Variants in NOM1 observed in about 807,000 individuals in gnomAD.
NOM1 encodes the protein nucleolar MIF4G domain-containing protein 1.
A neutral mutation model predicts 73.3 loss-of-function variants in NOM1; 58 were observed. The observed-to-expected ratio is 0.79, with a 90% confidence interval of 0.64 to 0.99. The LOEUF is 0.99. NOM1 is among the 50% of genes least tolerant of loss of function. NOM1 has a pLI of 0.00. For synonymous variants in NOM1, 487 were observed against 446.8 expected (o/e 1.09, Z -1.14); for missense variants, 1,226 against 1,131.9 (o/e 1.08, Z -1.19).
chr7:156,962,699 T>G (rs150784259), intron 5 of NOM1, among the ~76,000 whole-genome samples: 11 of 152,272 alleles, frequency 7.2e-5, no homozygotes, highest in African/African-American at 2.2e-4. Flanking sequence ...TCCAAATCAT[T>G]GCTGACCCAG....
chr7:156,965,787 C>T (rs2134795599), intron 7 of NOM1, among the ~76,000 whole-genome samples: 1 of 73,102 alleles, frequency 1.4e-5, no homozygotes, highest in South Asian at 4.0e-4. Flanking sequence ...GTGGTGGTGG[C>T]ACCTGTAATC....
rs746838716 is a variant in NOM1, at chr7:156,950,590, G to A, written c.853G>A (p.Glu285Lys). ...AGAAGCGCAGAGCGAGGACGACGAC[G>A]AGGATACAGAAGAGGAACAGGGGGA... Reference protein sequence around the residue: ...EAEAQSEDDDEDTEEEQGEEK... With the variant: ...EAEAQSEDDDKDTEEEQGEEK... Residue 285 changes from glutamate (E) to lysine (K), a missense_variant, in exon 1 of 11, where the codon GAG becomes AAG. Coordinates refer to ENST00000275820, the MANE Select transcript of NOM1 (RefSeq NM_138400.2). The A allele has an allele frequency of 3.3e-5, 53 of 1,589,760 alleles. 1 individual carries two copies. The Admixed American group carries it at 9.3e-4, about 28-fold the overall frequency.
chr7:156,961,562 T>A (rs2134787683), intron 4 of NOM1, among the ~76,000 whole-genome samples: 1 of 152,166 alleles, frequency 6.6e-6, no homozygotes, highest in East Asian at 1.9e-4. Context: ...TGAAATTGAT[T>A]GTGGTGATAG....
chr7:156,962,262 G>T lies in NOM1; in HGVS notation c.1743+1G>T. ...GCTGAGGAAACTGCAGAGAGCTTTG[G>T]TGAGTCAAGGAACTTTCAATTCTGT... On this transcript the variant is annotated splice_donor_variant, in intron 5 of 10. Coordinates refer to ENST00000275820, the MANE Select transcript of NOM1 (RefSeq NM_138400.2). LOFTEE classifies it high-confidence loss of function. 1 of 1,610,752 alleles carries T rather than the reference G, an allele frequency of 6.2e-7. No individual in the cohort carries two copies.
intron 5 of NOM1, among the ~76,000 whole-genome samples, chr7:156,962,488 C>T (rs563231635): frequency 6.6e-5 from 10 of 152,296 alleles, no homozygotes; most frequent in African/African-American, 1.9e-4. Flanking sequence ...GTTGGGCGAG[C>T]GTCCTCTTTG....
At chr7:156,969,462 T>A (rs954084156) in intron 10 of NOM1, 67 bp from the exon 11 acceptor site, 1 of 1,353,734 alleles carries the variant, frequency 7.4e-7, no homozygotes, top group Non-Finnish European at 1.0e-6. Flanking sequence ...CTATGCGAGA[T>A]ACCCAGGATT....
At position 156,959,973 on chromosome 7, in the gene NOM1, G is replaced by C; in HGVS notation, c.1431G>C (p.Val477=). The change falls in exon 4 of 11, where the codon GTG becomes GTC. Residue 477 remains valine, a synonymous_variant. Transcript: ENST00000275820. Reference sequence around the variant, plus strand: ...TTGCCCATTTATACAACTTCCACGTGGTACAGTCTCTCCTCATCTTCGACA... The same window carrying C: ...TTGCCCATTTATACAACTTCCACGTCGTACAGTCTCTCCTCATCTTCGACA... ...TVIAHLYNFH[V]VQSLLIFDIL... 6.2e-7 allele frequency: 1 copy of C among 1,614,080 alleles called. No homozygotes were observed. The highest frequency in any genetic ancestry group is 8.5e-7 in the Non-Finnish European group (1 of 1,179,992).
In NOM1 at chr7:156,970,262, A is replaced by G. The variant is rs1805109532; in HGVS notation, c.*559A>G. On this transcript the variant is annotated 3_prime_UTR_variant, in exon 11 of 11. Coordinates refer to ENST00000275820, the MANE Select transcript of NOM1 (RefSeq NM_138400.2). ...ACCACTGTACTCCAGCCTGGGCTGG[A>G]CAGTGAGACTTTTGACAGTGAGACT... 1 of 101,046 alleles carries G rather than the reference A, an allele frequency of 9.9e-6. No homozygotes were observed. The highest frequency in any genetic ancestry group is 1.1e-4 in the Admixed American group (1 of 9,302). The allele number at this position is 101,046 out of a possible 1,614,324, so 6.3% of individuals were successfully genotyped here.
intron 7 of NOM1, among the ~76,000 whole-genome samples, chr7:156,965,319 A>T (rs369954026): frequency 3.9e-5 from 6 of 152,202 alleles, no homozygotes; most frequent in Non-Finnish European, 7.3e-5. Flanking sequence ...GATACTTACT[A>T]CTTGGCATCA....
At chr7:156,956,552 T>A (rs565026523) in intron 3 of NOM1, among the ~76,000 whole-genome samples, 1 of 152,386 alleles carries the variant, frequency 6.6e-6, no homozygotes, top group South Asian at 2.1e-4. Context: ...GATAATGTTC[T>A]GATCCACATT....
Position 156,950,144 on chromosome 7 carries a change from G to T in NOM1, c.407G>T (p.Arg136Leu), listed in dbSNP as rs371047425. The T allele has an allele frequency of 1.9e-6, 3 of 1,579,108 alleles. No homozygotes were observed. Among genetic ancestry groups the T allele is most frequent in the African/African-American group, 1.4e-5 (1 of 74,038 alleles). Reference sequence around the variant, plus strand: ...GAGCGCGCCCGCCCAGCCCCTAGTCGGGACCCCTCGCCTCCCAGGAAGCCG... The same window carrying T: ...GAGCGCGCCCGCCCAGCCCCTAGTCTGGACCCCTCGCCTCCCAGGAAGCCG... ...TEERARPAPSRDPSPPRKPRP... is the reference protein window; with the variant it reads ...TEERARPAPSLDPSPPRKPRP... The change falls in exon 1 of 11, where the codon CGG becomes CTG. Residue 136 changes from arginine (R) to leucine (L), a missense_variant. Transcript: ENST00000275820.
chr7:156,968,419 C>T (rs79937158), intron 9 of NOM1, among the ~76,000 whole-genome samples: 8,878 of 152,082 alleles, frequency 0.058, 324 homozygotes, highest in East Asian at 0.18. Flanking sequence ...GGTCCGCAAG[C>T]GCCTGTGATG....
chr7:156,962,872 C>A (rs1002810985), intron 5 of NOM1, 136 bp from the exon 6 acceptor site: 2 of 941,452 alleles, frequency 2.1e-6, no homozygotes, highest in Non-Finnish European at 3.1e-6. Flanking sequence ...ACAGGCTAAC[C>A]GTCCCAATTG....
In NOM1 at chr7:156,954,289, T is replaced by C; in HGVS notation, c.1299T>C (p.Val433=). The change falls in exon 3 of 11, where the codon GTT becomes GTC. Residue 433 remains valine, a synonymous_variant. Transcript: ENST00000275820. The part of the protein sequence containing the change: ...VLLVSILHHT[V]GIEVGAHFLE... ...TAGTCAGCATCCTTCACCACACAGT[T>C]GGAATCGAGGTACAGTTGTACCTTT... The C allele has an allele frequency of 6.3e-7, 1 of 1,592,316 alleles. No homozygotes were observed. Among genetic ancestry groups the C allele is most frequent in the Non-Finnish European group, 8.5e-7 (1 of 1,170,382 alleles).
chr7:156,957,791 A>AG (rs1220532375), intron 3 of NOM1, among the ~76,000 whole-genome samples: 14 of 151,420 alleles, frequency 9.2e-5, no homozygotes, highest in African/African-American at 1.5e-4. Context: ...AAAAAAAAAA[A>AG]AAAAAAAAAG....
At chr7:156,962,616 T>C (rs79967353) in intron 5 of NOM1, among the ~76,000 whole-genome samples, 1,762 of 152,304 alleles carry the variant, frequency 0.012, 36 homozygotes, top group African/African-American at 0.04. Flanking sequence ...TGACTCTCTC[T>C]GACATGCAGC....
chr7:156,963,013 C>T lies in NOM1; in HGVS notation c.1749C>T (p.Arg583=), dbSNP rs1804902514. 1 of 1,611,728 alleles carries T rather than the reference C, an allele frequency of 6.2e-7. No homozygotes were observed. The highest frequency in any genetic ancestry group is 8.5e-7 in the Non-Finnish European group (1 of 1,177,986). The change falls in exon 6 of 11, where the codon CGC becomes CGT. Residue 583 remains arginine (R), a synonymous_variant. Transcript: ENST00000275820. ...KLRKLQRALV[R]NAGSGSETQL... ...AGCTCTTCTCTCTTCATCAGGTCCG[C>T]AACGCCGGCTCAGGTTCTGAGACGC...
rs147048593 is a variant in NOM1 at position 156,954,173 on chromosome 7, G to A, written c.1183G>A (p.Asp395Asn). 6.2e-6 allele frequency: 10 copies of A among 1,613,666 alleles called. No homozygotes were observed. The highest frequency in any genetic ancestry group is 1.3e-5 in the African/African-American group (1 of 74,880). ...EELYMAHSRK[D>N]MNDTLTSALM... ...ACTGTACATGGCCCACAGCAGAAAG[G>A]ACATGAATGACACCCTGACCTCCGC... Residue 395 changes from aspartate to asparagine, a missense_variant, in exon 3 of 11, where the codon GAC becomes AAC. Physicochemically the swap from Asp to Asn is conservative, Grantham distance 23. Transcript: ENST00000275820.
At chr7:156,964,334 T>C in intron 7 of NOM1, 1 of 174,686 alleles carries the variant, frequency 5.7e-6, no homozygotes, top group Non-Finnish European at 1.2e-5. Context: ...GAGTTTTGAC[T>C]GAAAGTATCT....
Sources: gnomAD v4.1 joint callset for allele counts (sites outside exome capture counted in the v4.1 genomes callset) on GRCh38, gnomAD v4.1.1 for gene constraint, MANE v1.5 for transcripts, NCBI Gene and HGNC (gene_info 2026-07-23, HGNC 2026-07-21) for gene names.